The following SRFBP1 variants were observed in gnomAD, a reference collection of about 807,000 sequenced individuals.
SRFBP1 encodes serum response factor binding protein 1.
Under a neutral mutation model 45.5 loss-of-function variants are expected in SRFBP1, and 47 were observed. The ratio of observed to expected loss-of-function variants is 1.03; its 90% CI spans 0.82 to 1.32. The LOEUF (loss-of-function observed/expected upper bound fraction) is 1.32. Ranked by LOEUF, SRFBP1 falls within the 40% of genes most tolerant of loss-of-function variation. The pLI, the probability that SRFBP1 is intolerant of heterozygous loss-of-function variation, is 0.00. For missense variants in SRFBP1, 621 were observed against 484.6 expected, an observed-to-expected ratio of 1.28 and a Z score of -2.64; for synonymous variants, 203 against 166.3, an observed-to-expected ratio of 1.22 and a Z score of -1.70.
chr5:122,001,546 CTTTTTTTTT>C (rs1166482651), intron 4 of SRFBP1, among the ~76,000 whole-genome samples: 7 of 104,888 alleles, frequency 6.7e-5, no homozygotes, highest in African/African-American at 1.1e-4. Context: ...CCTTTGGTAT[CTTTTTTTTT>C]TTTTTTTTTT....
intron 4 of SRFBP1, among the ~76,000 whole-genome samples, chr5:122,008,311 G>A (rs575848225): frequency 1.3e-5 from 2 of 152,166 alleles, no homozygotes; most frequent in Middle Eastern, 3.4e-3. Flanking sequence ...TGGGACTGCG[G>A]CATTCAACCT....
intron 2 of SRFBP1, among the ~76,000 whole-genome samples, chr5:122,047,247 T>C (rs1753878915): frequency 3.3e-5 from 5 of 152,218 alleles, no homozygotes; most frequent in Non-Finnish European, 7.3e-5. Flanking sequence ...AGGGATCCAG[T>C]TTCAGCTTTC....
chr5:122,020,347 A>G lies in SRFBP1; in HGVS notation c.612A>G (p.Pro204=), dbSNP rs1002697856. The change falls in exon 6 of 8, where the codon CCA becomes CCG. Residue 204 remains proline (P), a synonymous_variant. Coordinates refer to ENST00000339397, the MANE Select transcript of SRFBP1 (RefSeq NM_152546.3). ...AAGCAGTGACTATTGCAAATTCTCC[A>G]TCAAAGCCTTCAGAAAAGGATTCTG... ...GPKAVTIANS[P]SKPSEKDSVV... 6.2e-7 allele frequency: 1 copy of G among 1,614,108 alleles called. No individual in the cohort carries two copies. The highest frequency in any genetic ancestry group is 8.5e-7 in the Non-Finnish European group (1 of 1,179,976).
intron 2 of SRFBP1, among the ~76,000 whole-genome samples, chr5:122,036,250 G>A (rs79063554): frequency 0.044 from 6,686 of 152,128 alleles, 419 homozygotes; most frequent in African/African-American, 0.14. Flanking sequence ...GTGATTTATG[G>A]TGAGTACTCA....
intron 4 of SRFBP1, among the ~76,000 whole-genome samples, chr5:121,995,939 TAC>T (rs1405760968): frequency 6.6e-6 from 1 of 152,078 alleles, no homozygotes; most frequent in Non-Finnish European, 1.5e-5. Flanking sequence ...CCTCGACACA[TAC>T]ACTCTCCCAA....
intron 2 of SRFBP1, among the ~76,000 whole-genome samples, chr5:122,036,307 C>G (rs1753691387): frequency 6.6e-6 from 1 of 152,058 alleles, no homozygotes; most frequent in Non-Finnish European, 1.5e-5. Context: ...GTCAATCATA[C>G]AGGTGATTTA....
intron 4 of SRFBP1, among the ~76,000 whole-genome samples, chr5:121,995,998 A>C (rs1014227504): frequency 2.0e-5 from 3 of 152,066 alleles, no homozygotes; most frequent in Admixed American, 2.0e-4. Context: ...CAATAACAGG[A>C]GCTGAAATTG....
In SRFBP1 at chr5:122,075,460, T is replaced by C. The variant is rs758372464; in HGVS notation, n.457T>C. On this transcript the variant is annotated non_coding_transcript_exon_variant, in exon 3 of 3. Coordinates refer to the SRFBP1 transcript ENST00000504881. The stretch of plus-strand genomic sequence containing the variant: ...TTGGTCGGCTGGGTAAGAAATCTGA[T>C]GTCCCTTGGTTTTTCACTCTTTGGG... 3.7e-6 allele frequency: 6 copies of C among 1,613,736 alleles called. No homozygotes were observed. The highest frequency in any genetic ancestry group is 8.5e-7 in the Non-Finnish European group (1 of 1,179,824).
At chr5:122,070,619 T>G in intron 2 of SRFBP1, 1 of 1,195,022 alleles carries the variant, frequency 8.4e-7, no homozygotes, top group Non-Finnish European at 1.2e-6. Context: ...AAATTTAAAA[T>G]TATGGTATGT....
intron 2 of SRFBP1, among the ~76,000 whole-genome samples, chr5:122,043,489 T>A (rs112774723): frequency 0.024 from 3,585 of 152,350 alleles, 146 homozygotes; most frequent in African/African-American, 0.081. Flanking sequence ...GTGCTAGGAT[T>A]ACAGGCGTGA....
At chr5:121,983,236 A>G (rs1015423372) in intron 3 of SRFBP1, among the ~76,000 whole-genome samples, 2 of 151,678 alleles carry the variant, frequency 1.3e-5, no homozygotes, top group Non-Finnish European at 3.0e-5. Context: ...TCACAAGGCC[A>G]TCCATTTTGT....
rs756607093 is a variant in SRFBP1 at position 122,020,193 on chromosome 5, A to G, written c.458A>G (p.Asp153Gly). The change falls in exon 6 of 8, where the codon GAT (aspartate) becomes GGT (glycine). Residue 153 changes from aspartate to glycine, a missense_variant. Transcript: ENST00000339397. ...TCTGAGAATACTTTGTATTCAAATG[A>G]TAATGGAAGTAATTTACAGCGTGAA... ...NHSENTLYSN[D>G]NGSNLQREAT... 1.1e-5 allele frequency: 17 copies of G among 1,612,268 alleles called. No individual in the cohort carries two copies. Among genetic ancestry groups the G allele is most frequent in the Non-Finnish European group, 1.3e-5 (15 of 1,179,536 alleles).
At chr5:122,006,909 A>G (rs933173741) in intron 4 of SRFBP1, among the ~76,000 whole-genome samples, 3 of 152,004 alleles carry the variant, frequency 2.0e-5, no homozygotes, top group Non-Finnish European at 4.4e-5. Flanking sequence ...TTCATTTATT[A>G]GGGGTCAGCT....
downstream of SRFBP1, chr5:122,077,893 G>A: frequency 6.5e-7 from 1 of 1,528,728 alleles, no homozygotes; most frequent in South Asian, 1.3e-5. This position sits in a 1 kb window ranked among gnomAD's most constrained non-coding sequence, Gnocchi z 4.9. Flanking sequence ...GCTCGCGCGG[G>A]GGCTGCTGTT....
chr5:122,064,833 C>T (rs1754255961), intron 2 of SRFBP1: 1 of 151,900 alleles, frequency 6.6e-6, no homozygotes, highest in Non-Finnish European at 1.5e-5. Context: ...TGTGTCTTCT[C>T]CTATGTATCC....
chr5:121,998,445 C>T lies in SRFBP1; in HGVS notation c.270+3775C>T, dbSNP rs538263360. Among the ~76,000 whole-genome samples, 8 of 138,674 alleles carry T rather than the reference C, an allele frequency of 5.8e-5. No homozygotes were observed. In the South Asian group the frequency reaches 1.9e-3, roughly 33 times the overall value. The allele number at this position is 138,674 out of a possible 152,430, so 91.0% of individuals were successfully genotyped here. A position where few individuals can be genotyped will look rare whatever the true frequency, so the allele number is the denominator to read the frequency against. On this transcript the variant is annotated intron_variant, in intron 4 of 7. Transcript: ENST00000339397. ...AAACCAAACACCGCATATTCTCACTCATAGGTGGGAATTGAACAATGAGAT... is the reference window on the plus strand; with the variant it reads ...AAACCAAACACCGCATATTCTCACTTATAGGTGGGAATTGAACAATGAGAT...
intron 4 of SRFBP1, among the ~76,000 whole-genome samples, chr5:122,001,613 T>C (rs6872924): frequency 0.036 from 5,346 of 147,296 alleles, 281 homozygotes; most frequent in African/African-American, 0.11. Flanking sequence ...GGACTGCGGA[T>C]TGCAGTGGCG....
At chr5:122,019,449 C>T (rs1025906681) in intron 5 of SRFBP1, 108 bp downstream of exon 5, 13 of 905,584 alleles carry the variant, frequency 1.4e-5, no homozygotes, top group Non-Finnish European at 1.8e-5. Flanking sequence ...ATATAAGTTT[C>T]TTTCAAATAT....
At chr5:122,065,464 C>G (rs1754273806) in intron 2 of SRFBP1, 1 of 152,168 alleles carries the variant, frequency 6.6e-6, no homozygotes, top group South Asian at 2.1e-4. Flanking sequence ...TCTATTATGG[C>G]ACATGGTTTC....
Sources: allele counts gnomAD v4.1 joint callset (sites outside exome capture counted in the v4.1 genomes callset), GRCh38; gene constraint gnomAD v4.1.1; non-coding constraint Gnocchi (gnomAD v3.1); transcripts MANE v1.5; gene names NCBI Gene and HGNC (gene_info 2026-07-23, HGNC 2026-07-21).